RSPH14: variants seen among roughly 807,000 people sequenced by gnomAD.
RSPH14 encodes the protein radial spoke head 14 homolog, also known as rhabdoid tumor deletion region gene 1.
RSPH14 carries 20 observed loss-of-function variants against 26.7 expected under a neutral mutation model. The observed-to-expected ratio is 0.75, with a 90% confidence interval of 0.53 to 1.09. The LOEUF (loss-of-function observed/expected upper bound fraction) is 1.09. Ranked by LOEUF, RSPH14 falls within the 50% of genes least tolerant of loss-of-function variation. RSPH14 has a pLI of 0.00. For synonymous variants in RSPH14, 177 were observed against 189.3 expected, an observed-to-expected ratio of 0.93 and a Z score of 0.53; for missense variants, 449 against 457.2, an observed-to-expected ratio of 0.98 and a Z score of 0.16.
At chr22:23,137,679 C>T (rs1011522898) in intron 3 of RSPH14, 24 of 506,524 alleles carry the variant, frequency 4.7e-5, no homozygotes, top group Admixed American at 3.6e-4. Context: ...CTTGTCTTTT[C>T]TTCCTTCTGG....
Position 23,063,322 on chromosome 22 carries a change from C to T in RSPH14, c.653+580G>A, listed in dbSNP as rs11703666. ...CTCCACTAAAGAGACATAGCCACAG[C>T]TAAGGCAGAGACTCTGGGGTTCGGT... On this transcript the variant is annotated intron_variant, in intron 5 of 6. Coordinates refer to ENST00000216036, the MANE Select transcript of RSPH14 (RefSeq NM_014433.3). 2.2e-3 allele frequency among the ~76,000 whole-genome samples: 336 copies of T among 152,302 alleles called. 1 individual carries two copies. The highest frequency in any genetic ancestry group is 3.6e-3 in the Non-Finnish European group (243 of 68,030).
intron 4 of RSPH14, among the ~76,000 whole-genome samples, chr22:23,130,691 A>C (rs1256078550): frequency 6.6e-6 from 1 of 152,142 alleles, no homozygotes; most frequent in African/African-American, 2.4e-5. Flanking sequence ...CTTCAAATCA[A>C]TAAGAAATGG....
the RSPH14 span, among the ~76,000 whole-genome samples, chr22:23,166,148 A>T: frequency 3.9e-3 from 28 of 7,198 alleles, no homozygotes; most frequent in South Asian, 8.3e-3. Flanking sequence ...TCTGTCTTTT[A>T]AAAAAAAAAA....
chr22:23,169,966 G>A, the RSPH14 span, among the ~76,000 whole-genome samples: 1 of 151,984 alleles, frequency 6.6e-6, no homozygotes, highest in Non-Finnish European at 1.5e-5. Flanking sequence ...GCATGGTGGT[G>A]TGTGCCTGTA....
Position 23,120,245 on chromosome 22 carries a change from A to G in RSPH14, c.421+13781T>C, listed in dbSNP as rs147074335. 2.0e-4 allele frequency among the ~76,000 whole-genome samples: 30 copies of G among 152,230 alleles called. No homozygotes were observed. In the East Asian group the frequency reaches 3.1e-3, roughly 16 times the overall value. ...TCAGCAGGGAAGCAGTTTAGACACC[A>G]TGGAAGGGGCTCCTAGTGCATTGGG... On this transcript the variant is annotated intron_variant, in intron 4 of 6. Transcript: ENST00000216036.
intron 4 of RSPH14, among the ~76,000 whole-genome samples, chr22:23,112,686 C>T (rs2069687972): frequency 6.6e-6 from 1 of 152,324 alleles, no homozygotes; most frequent in Non-Finnish European, 1.5e-5. Context: ...ATGGCAAGTG[C>T]TCAAGGTAAG....
chr22:23,102,066 G>A (rs2069317359), intron 4 of RSPH14, among the ~76,000 whole-genome samples: 1 of 152,222 alleles, frequency 6.6e-6, no homozygotes, highest in Non-Finnish European at 1.5e-5. Flanking sequence ...TGGCCTAGAG[G>A]CCCCACCAAC....
At chr22:23,180,623 A>C in the RSPH14 span, 481 of 174,514 alleles carry the variant, frequency 2.8e-3, 3 homozygotes, top group African/African-American at 9.8e-3. Flanking sequence ...GGCGGTGCGG[A>C]AGCGAGAGGC....
At chr22:23,072,114 G>A (rs1239046397) in intron 4 of RSPH14, among the ~76,000 whole-genome samples, 1 of 152,202 alleles carries the variant, frequency 6.6e-6, no homozygotes, top group African/African-American at 2.4e-5. Flanking sequence ...TGCAGTCTGA[G>A]ACTGTGCTTC....
At chr22:23,157,049 G>T in the RSPH14 span, among the ~76,000 whole-genome samples, 6 of 152,174 alleles carry the variant, frequency 3.9e-5, no homozygotes, top group African/African-American at 1.4e-4. Flanking sequence ...CATTTGCCTG[G>T]AATGTTCTCC....
chr22:23,064,276 C>T (rs985244323), intron 4 of RSPH14, 143 bp from the exon 5 acceptor site: 1 of 714,728 alleles, frequency 1.4e-6, no homozygotes, highest in Non-Finnish European at 2.4e-6. Flanking sequence ...CCCCCACACA[C>T]ACGTCCCGCC....
chr22:23,122,892 G>T (rs1391690346), intron 4 of RSPH14, among the ~76,000 whole-genome samples: 1 of 152,248 alleles, frequency 6.6e-6, no homozygotes, highest in Non-Finnish European at 1.5e-5. Context: ...CTGGCAAGGA[G>T]GGTGCTGCCG....
chr22:23,179,730 G>A, the RSPH14 span: 1 of 175,302 alleles, frequency 5.7e-6, no homozygotes, highest in Admixed American at 6.2e-5. Context: ...ACCCACAGCA[G>A]ATCCACAACG....
chr22:23,067,574 T>C (rs1230321992), intron 4 of RSPH14, among the ~76,000 whole-genome samples: 1 of 152,246 alleles, frequency 6.6e-6, no homozygotes. Context: ...GGGGTGCTTC[T>C]CTGTCCTCAG....
In RSPH14 at chr22:23,121,783, A is replaced by G. The variant is rs190436386; in HGVS notation, c.421+12243T>C. ...GTCGCCCAGACTGGAGTGCAGTGGC[A>G]TGATCTCGGCTCACTGCAACCTCCA... is the stretch of plus-strand genomic sequence containing the variant. On this transcript the variant is annotated intron_variant, in intron 4 of 6. Coordinates refer to ENST00000216036, the MANE Select transcript of RSPH14 (RefSeq NM_014433.3). 7.0e-3 allele frequency among the ~76,000 whole-genome samples: 1,024 copies of G among 146,400 alleles called. 10 individuals carry two copies. Among genetic ancestry groups the G allele is most frequent in the African/African-American group, 0.025 (973 of 39,018 alleles).
At chr22:23,082,285 C>T (rs113292338) in intron 4 of RSPH14, among the ~76,000 whole-genome samples, 3,349 of 151,362 alleles carry the variant, frequency 0.022, 126 homozygotes, top group African/African-American at 0.076. Context: ...GGCGCGATCT[C>T]GGCTCACTGC....
intron 4 of RSPH14, among the ~76,000 whole-genome samples, chr22:23,129,114 AG>A (rs1413981443): frequency 6.6e-6 from 1 of 151,890 alleles, no homozygotes; most frequent in Admixed American, 6.6e-5. Context: ...GCCACCCCCC[AG>A]GCCCCCCACC....
chr22:23,164,551 T>C, the RSPH14 span, among the ~76,000 whole-genome samples: 5 of 152,146 alleles, frequency 3.3e-5, no homozygotes, highest in Non-Finnish European at 5.9e-5. Context: ...ACTTTGATGA[T>C]TTAATGAAGA....
chr22:23,178,377 C>T, the RSPH14 span, among the ~76,000 whole-genome samples: 5 of 150,864 alleles, frequency 3.3e-5, no homozygotes, highest in South Asian at 1.0e-3. Flanking sequence ...GATCACTCCA[C>T]TGCACTCCAG....
Sources: gnomAD v4.1 joint callset for allele counts (sites outside exome capture counted in the v4.1 genomes callset) on GRCh38, gnomAD v4.1.1 for gene constraint, MANE v1.5 for transcripts, NCBI Gene and HGNC (gene_info 2026-07-23, HGNC 2026-07-21) for gene names.